The following TMC1 variants were observed in gnomAD, a reference collection of about 807,000 sequenced individuals.
TMC1 encodes transmembrane channel-like protein 1.
In TMC1, 84 loss-of-function variants were observed where a neutral mutation model predicts 105.8. That is an observed-to-expected ratio of 0.79 (90% CI 0.67 to 0.95). The LOEUF (loss-of-function observed/expected upper bound fraction) is 0.95, where lower values mean the gene tolerates loss of function less well. Ranked by LOEUF, TMC1 falls within the 40% of genes least tolerant of loss-of-function variation. TMC1 has a pLI of 0.00. For missense variants in TMC1, 817 were observed against 914.1 expected, an observed-to-expected ratio of 0.89 and a Z score of 1.37; for synonymous variants, 315 against 311.5, an observed-to-expected ratio of 1.01 and a Z score of -0.12.
intron 5 of TMC1, among the ~76,000 whole-genome samples, chr9:72,669,300 CTCTA>C (rs907260117): frequency 3.3e-5 from 5 of 151,932 alleles, no homozygotes; most frequent in Non-Finnish European, 7.4e-5. Context: ...AAGAGTAAGA[CTCTA>C]TCTAAAGAAA....
At chr9:72,770,302 A>C (rs1012689692) in intron 12 of TMC1, among the ~76,000 whole-genome samples, 4 of 148,446 alleles carry the variant, frequency 2.7e-5, no homozygotes, top group Non-Finnish European at 4.5e-5. Context: ...ATATATATAA[A>C]ATTTATTATA....
At chr9:72,655,917 A>T (rs7852383) in intron 5 of TMC1, 396,130 of 796,972 alleles carry the variant, frequency 0.5, 99,652 homozygotes, top group African/African-American at 0.61. Flanking sequence ...AGAAGGACTG[A>T]GCAAGTCAAT....
At chr9:72,579,250 T>G (rs2132097425) in intron 2 of TMC1, among the ~76,000 whole-genome samples, 1 of 152,322 alleles carries the variant, frequency 6.6e-6, no homozygotes, top group Middle Eastern at 3.4e-3. Context: ...CTTTCTCTGG[T>G]TTCTCCTAAC....
intron 8 of TMC1, among the ~76,000 whole-genome samples, chr9:72,703,149 AGG>A (rs1290765433): frequency 1.3e-5 from 2 of 151,724 alleles, no homozygotes; most frequent in Non-Finnish European, 2.9e-5. Context: ...TTCTCGAGAC[AGG>A]GTCTTAACTC....
At chr9:72,774,986 G>T (rs112318563) in intron 13 of TMC1, among the ~76,000 whole-genome samples, 8 of 152,220 alleles carry the variant, frequency 5.3e-5, no homozygotes, top group African/African-American at 1.9e-4. Context: ...TTCTGTTAGC[G>T]TCTGCATACT....
At chr9:72,799,643 A>T (rs1828436686) in intron 17 of TMC1, among the ~76,000 whole-genome samples, 1 of 152,134 alleles carries the variant, frequency 6.6e-6, no homozygotes, top group Non-Finnish European at 1.5e-5. Flanking sequence ...CACATTTCAT[A>T]CAACTTACAG....
chr9:72,831,257 T>G (rs1432340912), intron 23 of TMC1, among the ~76,000 whole-genome samples: 1 of 152,166 alleles, frequency 6.6e-6, no homozygotes, highest in Non-Finnish European at 1.5e-5. Context: ...TTAGTGAAAA[T>G]CTTTTCCAAC....
chr9:72,797,096 A>G (rs1312672302), intron 17 of TMC1, among the ~76,000 whole-genome samples: 7 of 152,190 alleles, frequency 4.6e-5, no homozygotes, highest in African/African-American at 9.6e-5. Context: ...GAGCCAAATC[A>G]TGAATGAACT....
At chr9:72,765,686 T>C (rs561560717) in intron 12 of TMC1, among the ~76,000 whole-genome samples, 1 of 151,428 alleles carries the variant, frequency 6.6e-6, no homozygotes, top group South Asian at 2.1e-4. Context: ...AGGGAGAGAA[T>C]TTCATTATGC....
intron 21 of TMC1, among the ~76,000 whole-genome samples, chr9:72,828,535 A>T (rs1828994914): frequency 6.6e-6 from 1 of 152,218 alleles, no homozygotes. Context: ...AAATGCCTTA[A>T]TCCAAAGATT....
At chr9:72,738,629 G>T (rs1214661519) in intron 8 of TMC1, among the ~76,000 whole-genome samples, 3 of 152,014 alleles carry the variant, frequency 2.0e-5, no homozygotes, top group Non-Finnish European at 4.4e-5. Context: ...TGTTGGCCAG[G>T]GTGGTCTCGA....
intron 3 of TMC1, among the ~76,000 whole-genome samples, chr9:72,621,177 G>A (rs1343653907): frequency 6.6e-6 from 1 of 152,142 alleles, no homozygotes; most frequent in African/African-American, 2.4e-5. Flanking sequence ...AGAATAACAC[G>A]TTATTGTAAC....
At chr9:72,529,744 A>G (rs1267858957) in intron 1 of TMC1, among the ~76,000 whole-genome samples, 3 of 152,108 alleles carry the variant, frequency 2.0e-5, no homozygotes, top group Non-Finnish European at 4.4e-5. Flanking sequence ...CACTTAGAAG[A>G]ATCAAATGTT....
intron 8 of TMC1, among the ~76,000 whole-genome samples, chr9:72,739,711 C>G (rs1411534810): frequency 1.3e-5 from 2 of 152,104 alleles, no homozygotes; most frequent in East Asian, 3.9e-4. Context: ...CCTAACCTCT[C>G]TGCCCTTTTC....
chr9:72,709,184 A>G (rs1033449871), intron 8 of TMC1, among the ~76,000 whole-genome samples: 2 of 152,146 alleles, frequency 1.3e-5, no homozygotes, highest in Admixed American at 6.6e-5. Flanking sequence ...GTGTATGTCA[A>G]ACTATCCCTG....
chr9:72,707,226 G>A (rs942493919), intron 8 of TMC1, among the ~76,000 whole-genome samples: 4 of 152,194 alleles, frequency 2.6e-5, no homozygotes, highest in African/African-American at 9.7e-5. Context: ...ACATGCATGT[G>A]TAAGTATCCT....
At chr9:72,826,406 G>T (rs951765285) in intron 20 of TMC1, among the ~76,000 whole-genome samples, 10 of 152,172 alleles carry the variant, frequency 6.6e-5, no homozygotes, top group Admixed American at 2.6e-4. Context: ...GGTGGAAAAT[G>T]AGGTGGAAGC....
chr9:72,634,310 T>C (rs1825497419), intron 4 of TMC1, among the ~76,000 whole-genome samples: 1 of 152,186 alleles, frequency 6.6e-6, no homozygotes, highest in Non-Finnish European at 1.5e-5. Context: ...AGTGATTTTA[T>C]CTATAGGAGC....
chr9:72,611,409 AG>A (rs1281533549), intron 2 of TMC1, among the ~76,000 whole-genome samples: 3 of 152,260 alleles, frequency 2.0e-5, no homozygotes, highest in Non-Finnish European at 4.4e-5. Context: ...CTTGGGAAAA[AG>A]GCCATCGGAT....
Sources: gnomAD v4.1 joint callset for allele counts (sites outside exome capture counted in the v4.1 genomes callset) on GRCh38, gnomAD v4.1.1 for gene constraint, MANE v1.5 for transcripts, NCBI Gene and HGNC (gene_info 2026-07-23, HGNC 2026-07-21) for gene names.